Variants in COL11A1 observed in about 807,000 individuals in gnomAD.
COL11A1 encodes the protein collagen type XI alpha 1 chain.
A neutral mutation model predicts 265.2 loss-of-function variants in COL11A1; 74 were observed. That is an observed-to-expected ratio of 0.28 (90% CI 0.23 to 0.34). The LOEUF is 0.34. COL11A1 is among the 10% of genes least tolerant of loss of function. The probability of loss-of-function intolerance (pLI) is 1.00; values close to 1 mark genes in which losing one functional copy is unlikely to be tolerated. For synonymous variants in COL11A1, 816 were observed against 727.6 expected (o/e 1.12, Z -1.96); for missense variants, 2,165 against 2,263.6 (o/e 0.96, Z 0.88).
intron 7 of COL11A1, among the ~76,000 whole-genome samples, chr1:103,023,882 G>A (rs1369125855): frequency 2.0e-5 from 3 of 151,956 alleles, no homozygotes; most frequent in African/African-American, 4.8e-5. Flanking sequence ...ATGATAGCTA[G>A]CAACATTTAG....
intron 5 of COL11A1, among the ~76,000 whole-genome samples, chr1:103,029,263 CAAGT>C (rs756979433): frequency 1.3e-5 from 2 of 151,880 alleles, no homozygotes; most frequent in African/African-American, 2.4e-5. Flanking sequence ...TATTAGTGAA[CAAGT>C]AAGTAATATA....
chr1:103,039,828 G>C (rs1281983792), intron 4 of COL11A1, among the ~76,000 whole-genome samples: 1 of 151,732 alleles, frequency 6.6e-6, no homozygotes, highest in Non-Finnish European at 1.5e-5. Context: ...ATGGATATTT[G>C]TTTATTTATA....
chr1:102,976,455 T>C (rs964358293), intron 35 of COL11A1, among the ~76,000 whole-genome samples: 1 of 151,884 alleles, frequency 6.6e-6, no homozygotes, highest in African/African-American at 2.4e-5. Flanking sequence ...CCCACCACCA[T>C]GCCCAGCTAA....
At chr1:102,984,838 A>C (rs1663385833) in intron 30 of COL11A1, among the ~76,000 whole-genome samples, 1 of 152,070 alleles carries the variant, frequency 6.6e-6, no homozygotes, top group Admixed American at 6.6e-5. Context: ...TTATTCCTCC[A>C]AGCAGGGAAC....
Position 102,878,030 on chromosome 1 carries a change from A to G in COL11A1, c.5410T>C (p.Phe1804Leu), listed in dbSNP as rs546905537. Residue 1804 changes from phenylalanine to leucine, a missense_variant, in exon 67 of 67, where the codon TTT (phenylalanine) becomes CTT (leucine). Physicochemically the swap from Phe to Leu is conservative, Grantham distance 22. Transcript: ENST00000370096. ...KFGFEVGPVC[F>L]LG ...TCTTTGTCTTAATCTTAGCCAAGAA[A>G]ACAAACAGGACCAACTTCAAATCCG... is the stretch of plus-strand genomic sequence containing the variant. 2 of 1,613,546 alleles carry G rather than the reference A, an allele frequency of 1.2e-6. No homozygotes were observed. The highest frequency in any genetic ancestry group is 1.7e-5 in the Admixed American group (1 of 59,990).
chr1:102,888,473 T>C, intron 62 of COL11A1, 104 bp downstream of exon 62: 1 of 1,071,590 alleles, frequency 9.3e-7, no homozygotes, highest in Non-Finnish European at 1.4e-6. Context: ...AAATCAGCAC[T>C]TTTGGCAGAA....
At chr1:102,941,292 C>G (rs1201020014) in intron 42 of COL11A1, among the ~76,000 whole-genome samples, 2 of 152,110 alleles carry the variant, frequency 1.3e-5, no homozygotes, top group African/African-American at 4.8e-5. Flanking sequence ...ATACTGGTAT[C>G]CTTGTTCTGA....
At chr1:102,985,036 T>A (rs527735487) in intron 30 of COL11A1, among the ~76,000 whole-genome samples, 2 of 151,450 alleles carry the variant, frequency 1.3e-5, no homozygotes, top group East Asian at 3.9e-4. Flanking sequence ...AAAACACAGG[T>A]AAAAAGATAA....
intron 7 of COL11A1, among the ~76,000 whole-genome samples, chr1:103,025,085 C>CA (rs975440612): frequency 1.3e-5 from 2 of 152,060 alleles, no homozygotes; most frequent in African/African-American, 4.8e-5. Context: ...TACATTTTCT[C>CA]AAAATGCTTG....
intron 4 of COL11A1, among the ~76,000 whole-genome samples, chr1:103,051,336 C>A (rs898394282): frequency 3.9e-5 from 6 of 152,176 alleles, no homozygotes; most frequent in South Asian, 4.1e-4. Context: ...TGCCACCTTG[C>A]AGTTTGATCT....
intron 31 of COL11A1, 94 bp downstream of exon 31, chr1:102,984,044 T>A: frequency 1.1e-6 from 1 of 917,470 alleles, no homozygotes; most frequent in South Asian, 1.4e-5. Context: ...GTACTCATGA[T>A]AATATAGAGA....
Position 102,926,357 on chromosome 1 carries a change from C to T in COL11A1, c.3601-2968G>A, listed in dbSNP as rs1291129096. ...AATGAAGTTAGGCCAAGAATGCACA[C>T]TCTCTCTCACTCCATATATGTGTGT... On this transcript the variant is annotated intron_variant, in intron 46 of 66. Transcript: ENST00000370096. Among the ~76,000 whole-genome samples the T allele has an allele frequency of 4.6e-5, 7 of 150,734 alleles. No homozygotes were observed. In the East Asian group the frequency reaches 1.3e-3, roughly 29 times the overall value.
At chr1:102,888,803 T>G (rs755666450) in intron 60 of COL11A1, 45 bp from the exon 61 acceptor site, 1 of 1,613,296 alleles carries the variant, frequency 6.2e-7, no homozygotes, top group African/African-American at 1.3e-5. Context: ...TCTGGAGCAT[T>G]TGTGTCTCTG....
intron 47 of COL11A1, 41 bp downstream of exon 47, chr1:102,923,295 A>G (rs775224212): frequency 9.6e-5 from 146 of 1,515,394 alleles, no homozygotes; most frequent in East Asian, 2.3e-5. Flanking sequence ...ACTGCCATGC[A>G]TATAACACAT....
intron 4 of COL11A1, among the ~76,000 whole-genome samples, chr1:103,065,552 GCAAA>G (rs1255030508): frequency 1.3e-4 from 11 of 82,926 alleles, no homozygotes; most frequent in African/African-American, 3.9e-4. Flanking sequence ...AAAAAAGAAA[GCAAA>G]CAAACAAACA....
chr1:102,992,286 AAAG>A (rs758798438), intron 28 of COL11A1, among the ~76,000 whole-genome samples: 26 of 152,108 alleles, frequency 1.7e-4, no homozygotes, highest in Non-Finnish European at 3.1e-4. Flanking sequence ...ATAAAGAAAA[AAAG>A]AAGAAAACAT....
chr1:102,941,453 A>G (rs898204016), intron 42 of COL11A1, among the ~76,000 whole-genome samples: 3 of 152,188 alleles, frequency 2.0e-5, no homozygotes, highest in African/African-American at 7.2e-5. Flanking sequence ...TAAAGACTTC[A>G]TGGCTTAGGG....
At chr1:103,089,496 T>G (rs1673140107) in intron 1 of COL11A1, among the ~76,000 whole-genome samples, 1 of 152,200 alleles carries the variant, frequency 6.6e-6, no homozygotes, top group Non-Finnish European at 1.5e-5. Flanking sequence ...TGTTACATAC[T>G]CACATCAGCT....
intron 65 of COL11A1, 25 bp downstream of exon 65, chr1:102,881,672 G>C: frequency 6.3e-7 from 1 of 1,577,984 alleles, no homozygotes; most frequent in Non-Finnish European, 8.7e-7. Flanking sequence ...GTGAAAAATC[G>C]TTTCATGTTG....
Sources: gnomAD v4.1 joint callset for allele counts (sites outside exome capture counted in the v4.1 genomes callset) on GRCh38, gnomAD v4.1.1 for gene constraint, MANE v1.5 for transcripts, NCBI Gene and HGNC (gene_info 2026-07-23, HGNC 2026-07-21) for gene names.